The following DISC1 variants were observed in gnomAD, a reference collection of about 807,000 sequenced individuals.
The protein encoded by DISC1 is DISC1 scaffold protein.
In DISC1, 57 loss-of-function variants were observed where a neutral mutation model predicts 84.5. The observed-to-expected ratio is 0.67, with a 90% CI of 0.55 to 0.84. DISC1 has a LOEUF of 0.84. DISC1 is among the 40% of genes least tolerant of loss of function. DISC1 has a pLI of 0.00. For synonymous variants in DISC1, 411 were observed against 415.2 expected (o/e 0.99, Z 0.12); for missense variants, 1,000 against 1,057.8 (o/e 0.95, Z 0.76).
At chr1:231,967,302 C>T (rs563285984) in intron 10 of DISC1, among the ~76,000 whole-genome samples, 10 of 152,210 alleles carry the variant, frequency 6.6e-5, no homozygotes, top group African/African-American at 2.2e-4. Flanking sequence ...AGACGGGAAC[C>T]GGGGTCAAAA....
intron 9 of DISC1, among the ~76,000 whole-genome samples, chr1:231,952,108 A>G (rs995923390): frequency 9.3e-5 from 14 of 150,670 alleles, no homozygotes; most frequent in Non-Finnish European, 1.8e-4. Flanking sequence ...AAAAAAAAAA[A>G]AAAAAGAAAA....
chr1:231,965,281 A>G (rs1572384715), intron 10 of DISC1, among the ~76,000 whole-genome samples: 1 of 152,216 alleles, frequency 6.6e-6, no homozygotes, highest in Admixed American at 6.5e-5. Context: ...AGATGCATGT[A>G]TTCCTGTTCC....
At chr1:231,740,788 T>C (rs980234053) in intron 3 of DISC1, among the ~76,000 whole-genome samples, 1 of 152,240 alleles carries the variant, frequency 6.6e-6, no homozygotes, top group Admixed American at 6.5e-5. Flanking sequence ...GTTAACGCTA[T>C]GCAAAATTTC....
At chr1:231,924,717 C>T (rs1276428283) in intron 9 of DISC1, among the ~76,000 whole-genome samples, 3 of 150,752 alleles carry the variant, frequency 2.0e-5, no homozygotes, top group African/African-American at 7.3e-5. Flanking sequence ...AGTGCAGTGG[C>T]ATGATCTCTG....
At chr1:231,657,368 T>C (rs2061190550) in intron 1 of DISC1, among the ~76,000 whole-genome samples, 1 of 152,258 alleles carries the variant, frequency 6.6e-6, no homozygotes, top group African/African-American at 2.4e-5. Flanking sequence ...TTTATTTGCA[T>C]TTCTCTAATG....
rs376027088 is a variant in DISC1 at position 232,039,995 on chromosome 1, A to AT, written c.*3175dup. 277 of 146,870 alleles carry AT rather than the reference A, an allele frequency of 1.9e-3. No individual in the cohort carries two copies. Among genetic ancestry groups the AT allele is most frequent in the Non-Finnish European group, 2.2e-3 (145 of 66,342 alleles). The allele number at this position is 146,870 out of a possible 1,614,324, so 9.1% of individuals were successfully genotyped here. A position where few individuals can be genotyped will look rare whatever the true frequency, so the allele number is the denominator to read the frequency against. The stretch of plus-strand genomic sequence containing the variant: ...GTTCCATCCAACTTTCTGAAATTTC[A>AT]TTTTTTTTTTTGAGATGGAGTCTCT... On this transcript the variant is annotated 3_prime_UTR_variant, in exon 13 of 13. Coordinates refer to ENST00000439617, the MANE Select transcript of DISC1 (RefSeq NM_018662.3).
Position 231,939,655 on chromosome 1 carries a change from A to T in DISC1, c.1982-19173A>T, listed in dbSNP as rs2091187012. 2.6e-5 allele frequency among the ~76,000 whole-genome samples: 4 copies of T among 152,152 alleles called. No homozygotes were observed. In the South Asian group the frequency reaches 8.3e-4, roughly 32 times the overall value. ...AGCCCGGACATTCAGTTTCCCTAAT[A>T]TGTCCCATCCTCCCTCTTCTTCCAA... On this transcript the variant is annotated intron_variant, in intron 9 of 12. Transcript: ENST00000439617.
In DISC1 at chr1:231,626,794, TC is replaced by T. The variant is rs1023344986; in HGVS notation, c.-68del. The T allele has an allele frequency of 1.4e-4, 163 of 1,160,168 alleles. No individual in the cohort carries two copies. The highest frequency in any genetic ancestry group is 1.1e-3 in the Admixed American group (29 of 26,364). The allele number at this position is 1,160,168 out of a possible 1,614,324, so 71.9% of individuals were successfully genotyped here. ...CTTCCCGTCCAGCGCGCTGCTCCCTTCCCCCCGCCTCTGGCCTCGGGGAAGG... is the reference window on the plus strand; with the variant it reads ...CTTCCCGTCCAGCGCGCTGCTCCCTTCCCCCGCCTCTGGCCTCGGGGAAGG... On this transcript the variant is annotated 5_prime_UTR_variant, in exon 1 of 13. Coordinates refer to ENST00000439617, the MANE Select transcript of DISC1 (RefSeq NM_018662.3).
Position 231,815,467 on chromosome 1 carries a change from G to A in DISC1, c.1793-2862G>A, listed in dbSNP as rs116277806. 8.7e-3 allele frequency among the ~76,000 whole-genome samples: 1,330 copies of A among 152,214 alleles called. 7 individuals are homozygous for A. Among genetic ancestry groups the A allele is most frequent in the Non-Finnish European group, 0.013 (897 of 68,020 alleles). ...AGACATGTACATGTTGGCTGGGCGC[G>A]GTGGCTCACGCCTGTAATCCCAGCA... is the stretch of plus-strand genomic sequence containing the variant. On this transcript the variant is annotated intron_variant, in intron 8 of 12. Coordinates refer to ENST00000439617, the MANE Select transcript of DISC1 (RefSeq NM_018662.3).
At chr1:231,802,250 G>T (rs904677650) in intron 8 of DISC1, among the ~76,000 whole-genome samples, 2 of 152,134 alleles carry the variant, frequency 1.3e-5, no homozygotes, top group Non-Finnish European at 1.5e-5. Context: ...GAGGTGTTTG[G>T]ATCATGAGGG....
At chr1:231,933,955 G>C (rs201432876) in intron 9 of DISC1, among the ~76,000 whole-genome samples, 2 of 152,158 alleles carry the variant, frequency 1.3e-5, no homozygotes, top group Non-Finnish European at 2.9e-5. Context: ...AGGATTCCTG[G>C]TCCGGGCTCC....
chr1:231,699,864 A>C (rs11122321), intron 2 of DISC1, among the ~76,000 whole-genome samples: 47,792 of 152,006 alleles, frequency 0.31, 7,661 homozygotes, highest in East Asian at 0.37. Context: ...GTTTTCCCTT[A>C]CATCAATCTG....
intron 9 of DISC1, among the ~76,000 whole-genome samples, chr1:231,939,162 T>A (rs2091156885): frequency 6.6e-6 from 1 of 152,340 alleles, no homozygotes; most frequent in Non-Finnish European, 1.5e-5. Context: ...ATGTGTTTTA[T>A]TGTATTAATT....
intron 6 of DISC1, among the ~76,000 whole-genome samples, chr1:231,778,047 T>A (rs201787014): frequency 7.9e-5 from 12 of 152,122 alleles, no homozygotes; most frequent in Middle Eastern, 3.4e-3. Flanking sequence ...GAGCCGTGGG[T>A]CTGTGGGCCC....
intron 1 of DISC1, among the ~76,000 whole-genome samples, chr1:231,641,600 C>T (rs575099243): frequency 6.6e-6 from 1 of 152,352 alleles, no homozygotes; most frequent in Non-Finnish European, 1.5e-5. Flanking sequence ...CCGCTGCTGG[C>T]GCCTGCAGCC....
intron 9 of DISC1, among the ~76,000 whole-genome samples, chr1:231,866,124 T>C (rs1399106847): frequency 6.6e-6 from 1 of 152,000 alleles, no homozygotes; most frequent in Non-Finnish European, 1.5e-5. Context: ...GCCTTTCCCA[T>C]AGTGGCCCAC....
At chr1:231,758,968 A>G (rs765140887) in intron 4 of DISC1, among the ~76,000 whole-genome samples, 31 of 152,210 alleles carry the variant, frequency 2.0e-4, no homozygotes, top group Admixed American at 9.8e-4. Context: ...ACCTTTTCCC[A>G]GGGGATAACC....
chr1:232,003,515 T>A, intron 10 of DISC1, among the ~76,000 whole-genome samples: 1 of 152,070 alleles, frequency 6.6e-6, no homozygotes, highest in East Asian at 1.9e-4. Flanking sequence ...AGAATTATAG[T>A]TGGAAATTTA....
intron 3 of DISC1, among the ~76,000 whole-genome samples, chr1:231,741,684 G>A (rs1269898142): frequency 2.6e-5 from 4 of 152,158 alleles, no homozygotes; most frequent in Non-Finnish European, 4.4e-5. Flanking sequence ...GAGATACTGG[G>A]ATCTGATGGA....
Sources: allele counts gnomAD v4.1 joint callset (sites outside exome capture counted in the v4.1 genomes callset), GRCh38; gene constraint gnomAD v4.1.1; transcripts MANE v1.5; gene names NCBI Gene and HGNC (gene_info 2026-07-23, HGNC 2026-07-21).